PLPPR4: variants seen among roughly 807,000 people sequenced by gnomAD.
PLPPR4 encodes the protein phospholipid phosphatase-related protein type 4.
Under a neutral mutation model 56.6 loss-of-function variants are expected in PLPPR4, and 24 were observed. The observed-to-expected ratio is 0.42, with a 90% CI of 0.31 to 0.60. The LOEUF (loss-of-function observed/expected upper bound fraction) is 0.60, where lower values mean the gene tolerates loss of function less well. Ranked by LOEUF, PLPPR4 falls within the 20% of genes least tolerant of loss-of-function variation. The probability of loss-of-function intolerance (pLI) is 0.13; values close to 1 mark genes in which losing one functional copy is unlikely to be tolerated. For missense variants in PLPPR4, 654 were observed against 885.8 expected, an observed-to-expected ratio of 0.74 and a Z score of 3.32; for synonymous variants, 326 against 328.1, an observed-to-expected ratio of 0.99 and a Z score of 0.07.
At chr1:99,265,404 C>T (rs72978824) in intron 1 of PLPPR4, among the ~76,000 whole-genome samples, 2,344 of 152,134 alleles carry the variant, frequency 0.015, 71 homozygotes, top group African/African-American at 0.054. Context: ...CAGATGTATC[C>T]GTAATGACCC....
In PLPPR4 at chr1:99,300,942, T is replaced by C; in HGVS notation, c.624T>C (p.Ala208=). ...KSFPSQHATL[A]AFAAVYVSMY... ...TCCCTTCTCAACATGCAACCCTTGC[T>C]GCCTTTGCAGCTGTGTATGTTTCGG... The change falls in exon 5 of 7, where the codon GCT becomes GCC. Residue 208 remains alanine, a synonymous_variant. Coordinates refer to ENST00000370185, the MANE Select transcript of PLPPR4 (RefSeq NM_014839.5). 1 of 1,612,492 alleles carries C rather than the reference T, an allele frequency of 6.2e-7. No homozygotes were observed. Among genetic ancestry groups the C allele is most frequent in the East Asian group, 2.2e-5 (1 of 44,842 alleles).
chr1:99,275,163 T>C (rs1408868256), intron 1 of PLPPR4, among the ~76,000 whole-genome samples: 1 of 152,162 alleles, frequency 6.6e-6, no homozygotes, highest in African/African-American at 2.4e-5. Context: ...TGGACATAAA[T>C]AATGTCTTCT....
chr1:99,270,716 G>A (rs1047158201), intron 1 of PLPPR4, among the ~76,000 whole-genome samples: 14 of 152,140 alleles, frequency 9.2e-5, no homozygotes, highest in African/African-American at 3.4e-4. Context: ...ATAAACTTTA[G>A]CATCAGTAGG....
At chr1:99,281,888 C>A (rs931494069) in intron 1 of PLPPR4, among the ~76,000 whole-genome samples, 1 of 152,072 alleles carries the variant, frequency 6.6e-6, no homozygotes, top group Non-Finnish European at 1.5e-5. Context: ...ATAGCTCTTG[C>A]ATATGTTTGG....
At chr1:99,272,029 T>C (rs1259875782) in intron 1 of PLPPR4, among the ~76,000 whole-genome samples, 2 of 151,826 alleles carry the variant, frequency 1.3e-5, no homozygotes, top group Non-Finnish European at 2.9e-5. Flanking sequence ...AAAGATTATT[T>C]GAGACACAAT....
rs563430022 is a variant in PLPPR4 at position 99,270,443 on chromosome 1, A to G, written c.78+5772A>G. Among the ~76,000 whole-genome samples the G allele has an allele frequency of 1.1e-4, 17 of 152,370 alleles. No individual in the cohort carries two copies. In the South Asian group the frequency reaches 3.3e-3, roughly 30 times the overall value. On this transcript the variant is annotated intron_variant, in intron 1 of 6. Transcript: ENST00000370185. ...AACTAAACAGTTTGTTCAGAAGAAG[A>G]AGCCATTGCTGCTACTCTGTTGCCA... is the stretch of plus-strand genomic sequence containing the variant.
chr1:99,282,378 C>T (rs548999845), intron 1 of PLPPR4, among the ~76,000 whole-genome samples: 27 of 152,246 alleles, frequency 1.8e-4, no homozygotes, highest in Non-Finnish European at 2.8e-4. Context: ...CCTGGATTTC[C>T]GCCATTGCCA....
At chr1:99,290,205 G>T (rs1659580967) in intron 2 of PLPPR4, among the ~76,000 whole-genome samples, 1 of 152,028 alleles carries the variant, frequency 6.6e-6, no homozygotes, top group Non-Finnish European at 1.5e-5. Context: ...GCCACAGAAA[G>T]AATGAAATAT....
chr1:99,299,059 C>T lies in PLPPR4; in HGVS notation c.419C>T (p.Ser140Phe), dbSNP rs1659817783. 2 of 1,613,366 alleles carry T rather than the reference C, an allele frequency of 1.2e-6. No individual in the cohort carries two copies. Among genetic ancestry groups the T allele is most frequent in the African/African-American group, 1.3e-5 (1 of 74,874 alleles). Residue 140 changes from serine to phenylalanine, a missense_variant, in exon 4 of 7, where the codon TCT becomes TTT. Transcript: ENST00000370185. ...GGTGTTCATGTATTTGGATTATGCT[C>T]TACAGCTCTCATTACAGATATCATA... ...FVGVHVFGLC[S>F]TALITDIIQL...
At chr1:99,270,800 T>C (rs1051588415) in intron 1 of PLPPR4, among the ~76,000 whole-genome samples, 2 of 152,218 alleles carry the variant, frequency 1.3e-5, no homozygotes, top group African/African-American at 4.8e-5. Context: ...CTCTAGATTG[T>C]ATAGAAGTAG....
Position 99,307,164 on chromosome 1 carries a change from T to G in PLPPR4, c.*154T>G, listed in dbSNP as rs982455659. The G allele has an allele frequency of 4.7e-6, 4 of 844,616 alleles. No individual in the cohort carries two copies. The Admixed American group carries it at 1.0e-4, about 22-fold the overall frequency. 52.3% of individuals were successfully genotyped at this position (844,616 alleles called of 1,614,324 possible). On this transcript the variant is annotated 3_prime_UTR_variant, in exon 7 of 7. Transcript: ENST00000370185. The stretch of plus-strand genomic sequence containing the variant: ...TTTTCAGAACTGCTATACTCAAACT[T>G]GCAGATCTCACATCAAGGAGAGGGA...
At chr1:99,284,983 A>G (rs910449980) in intron 1 of PLPPR4, among the ~76,000 whole-genome samples, 2 of 152,168 alleles carry the variant, frequency 1.3e-5, no homozygotes, top group Admixed American at 1.3e-4. Flanking sequence ...AAGAAGTACT[A>G]GGGGATTAAA....
upstream of PLPPR4, chr1:99,264,486 T>C (rs1322850149): frequency 1.3e-6 from 2 of 1,534,002 alleles, no homozygotes; most frequent in Non-Finnish European, 8.8e-7. Flanking sequence ...CCGCGGGGAA[T>C]GTGACATCAG....
At chr1:99,284,753 A>G (rs554918870) in intron 1 of PLPPR4, among the ~76,000 whole-genome samples, 114 of 152,292 alleles carry the variant, frequency 7.5e-4, no homozygotes, top group African/African-American at 2.7e-3. Context: ...CATAATATTA[A>G]TGACAAATTA....
chr1:99,299,141 T>C lies in PLPPR4; in HGVS notation c.501T>C (p.Tyr167=), dbSNP rs994862511. ...TTCTGACTGTGTGCAAACCAAACTA[T>C]ACCTCTCTGAATGTATCTTGCAAAG... ...PYFLTVCKPN[Y]TSLNVSCKEN... is the part of the protein sequence containing the mutation. Residue 167 remains tyrosine, a synonymous_variant, in exon 4 of 7, where the codon TAT becomes TAC. Transcript: ENST00000370185. The C allele has an allele frequency of 1.2e-6, 2 of 1,613,216 alleles. No homozygotes were observed. The highest frequency in any genetic ancestry group is 1.7e-5 in the Admixed American group (1 of 59,900).
At chr1:99,291,305 TG>T (rs1228551973) in intron 2 of PLPPR4, among the ~76,000 whole-genome samples, 3 of 152,130 alleles carry the variant, frequency 2.0e-5, no homozygotes, top group African/African-American at 7.2e-5. Context: ...GTGGTGAGGT[TG>T]TGGAGAAAAA....
intron 1 of PLPPR4, among the ~76,000 whole-genome samples, chr1:99,287,077 C>T (rs963792887): frequency 2.0e-5 from 3 of 152,066 alleles, no homozygotes; most frequent in Non-Finnish European, 2.9e-5. Flanking sequence ...TGTGTTGTTC[C>T]CCTGTCTGTG....
At position 99,306,859 on chromosome 1, in the gene PLPPR4, G is replaced by A. The variant is rs1435581525; in HGVS notation, c.1997G>A (p.Gly666Asp). 1 of 1,614,122 alleles carries A rather than the reference G, an allele frequency of 6.2e-7. No individual in the cohort carries two copies. Among genetic ancestry groups the A allele is most frequent in the South Asian group, 1.1e-5 (1 of 91,080 alleles). ...RVTPVEGSEI[G>D]SETLSISSSR... ...ACCCCAGTAGAGGGCAGCGAAATTGGCTCAGAGACGCTGTCCATTTCTTCT... is the reference window on the plus strand; with the variant it reads ...ACCCCAGTAGAGGGCAGCGAAATTGACTCAGAGACGCTGTCCATTTCTTCT... Residue 666 changes from glycine (G) to aspartate (D), a missense_variant, in exon 7 of 7, where the codon GGC becomes GAC. Gly to Asp is a moderately conservative substitution (Grantham distance 94). Transcript: ENST00000370185. This position sits in a 1 kb window ranked among gnomAD's most constrained non-coding sequence, Gnocchi z 4.0.
chr1:99,304,435 C>T (rs1411121487), intron 6 of PLPPR4, among the ~76,000 whole-genome samples: 1 of 152,102 alleles, frequency 6.6e-6, no homozygotes, highest in African/African-American at 2.4e-5. Flanking sequence ...AGAATGTATC[C>T]CTGTCATTAA....
Sources: gnomAD v4.1 joint callset for allele counts (sites outside exome capture counted in the v4.1 genomes callset) on GRCh38, gnomAD v4.1.1 for gene constraint, Gnocchi (gnomAD v3.1) non-coding constraint, MANE v1.5 for transcripts, NCBI Gene and HGNC (gene_info 2026-07-23, HGNC 2026-07-21) for gene names.